Variants in ABTB2 observed in about 807,000 individuals in gnomAD.
ABTB2 encodes the protein ankyrin repeat and BTB domain containing 2.
A neutral mutation model predicts 104.1 loss-of-function variants in ABTB2; 56 were observed. That is an observed-to-expected ratio of 0.54 (90% CI 0.43 to 0.67). The LOEUF is 0.67. Ranked by LOEUF, ABTB2 falls within the 30% of genes least tolerant of loss-of-function variation. The probability of loss-of-function intolerance (pLI) is 0.00; values close to 1 mark genes in which losing one functional copy is unlikely to be tolerated. For synonymous variants in ABTB2, 606 were observed against 608.2 expected, an observed-to-expected ratio of 1.00 and a Z score of 0.05; for missense variants, 1,279 against 1,407.7, an observed-to-expected ratio of 0.91 and a Z score of 1.46.
At chr11:34,194,538 G>A (rs1446927519) in intron 3 of ABTB2, among the ~76,000 whole-genome samples, 3 of 152,194 alleles carry the variant, frequency 2.0e-5, no homozygotes, top group Admixed American at 6.5e-5. Flanking sequence ...TCTGGTGAGG[G>A]TATCAGGGTG....
At chr11:34,315,468 T>C (rs1220239555) in intron 1 of ABTB2, among the ~76,000 whole-genome samples, 2 of 152,156 alleles carry the variant, frequency 1.3e-5, no homozygotes, top group Non-Finnish European at 2.9e-5. Flanking sequence ...GAAAGCTGTA[T>C]TGGGCAGCTA....
At chr11:34,304,071 T>A (rs777432871) in intron 1 of ABTB2, among the ~76,000 whole-genome samples, 1 of 152,142 alleles carries the variant, frequency 6.6e-6, no homozygotes, top group Non-Finnish European at 1.5e-5. Flanking sequence ...AGTAGCATGA[T>A]GAAATATTGC....
At chr11:34,261,297 C>T (rs1248864194) in intron 1 of ABTB2, among the ~76,000 whole-genome samples, 4 of 152,254 alleles carry the variant, frequency 2.6e-5, no homozygotes, top group Non-Finnish European at 5.9e-5. Context: ...CACAGTGTCA[C>T]AGCTGTGGAC....
At chr11:34,342,066 A>T (rs565876155) in intron 1 of ABTB2, among the ~76,000 whole-genome samples, 1 of 152,352 alleles carries the variant, frequency 6.6e-6, no homozygotes, top group East Asian at 1.9e-4. Flanking sequence ...AAGAGGTCCC[A>T]CACTCTCCAA....
intron 1 of ABTB2, among the ~76,000 whole-genome samples, chr11:34,267,866 G>A (rs1486640097): frequency 1.3e-5 from 2 of 152,222 alleles, no homozygotes; most frequent in African/African-American, 4.8e-5. Context: ...CTAAGAAAAT[G>A]AGAGTTCACT....
Position 34,357,239 on chromosome 11 carries a change from C to T in ABTB2, c.345G>A (p.Arg115=). The change falls in exon 1 of 17, where the codon CGG becomes CGA. Residue 115 remains arginine (R), a synonymous_variant. Coordinates refer to ENST00000435224, the MANE Select transcript of ABTB2 (RefSeq NM_145804.3). ...ARVLRKGAGG[R]RLPQFSAEAV... ...CCTCGGCGGAGAACTGGGGCAGCCG[C>T]CGGCCGCCAGCGCCTTTGCGGAGCA... is the stretch of plus-strand genomic sequence containing the variant. The T allele has an allele frequency of 1.3e-6, 2 of 1,500,448 alleles. No homozygotes were observed. Among genetic ancestry groups the T allele is most frequent in the Non-Finnish European group, 1.8e-6 (2 of 1,130,702 alleles). 92.9% of individuals were successfully genotyped at this position (1,500,448 alleles called of 1,614,324 possible).
intron 1 of ABTB2, among the ~76,000 whole-genome samples, chr11:34,216,703 G>A (rs1853552421): frequency 6.6e-6 from 1 of 152,164 alleles, no homozygotes; most frequent in Non-Finnish European, 1.5e-5. Context: ...AGTGAGCTGA[G>A]ATTGTGCTGT....
At chr11:34,158,428 G>A (rs1337098917) in intron 14 of ABTB2, among the ~76,000 whole-genome samples, 1 of 152,042 alleles carries the variant, frequency 6.6e-6, no homozygotes, top group Non-Finnish European at 1.5e-5. Context: ...ACAAAAAAAA[G>A]CCATTTTAGA....
chr11:34,189,767 C>T (rs1853148558), intron 3 of ABTB2, among the ~76,000 whole-genome samples: 1 of 152,208 alleles, frequency 6.6e-6, no homozygotes, highest in Non-Finnish European at 1.5e-5. Context: ...AGTTAAAAAT[C>T]CCAGGTCTGC....
intron 1 of ABTB2, among the ~76,000 whole-genome samples, chr11:34,327,123 G>A (rs1467916120): frequency 6.6e-6 from 1 of 152,182 alleles, no homozygotes; most frequent in Non-Finnish European, 1.5e-5. Context: ...AATGGATTAT[G>A]AGAACAGATA....
intron 5 of ABTB2, among the ~76,000 whole-genome samples, chr11:34,168,398 T>G (rs1316677747): frequency 6.6e-6 from 1 of 152,238 alleles, no homozygotes; most frequent in Non-Finnish European, 1.5e-5. Flanking sequence ...TATAAAGTGC[T>G]TAGTTCAGAA....
intron 1 of ABTB2, among the ~76,000 whole-genome samples, chr11:34,271,617 C>G (rs972809116): frequency 2.0e-5 from 3 of 152,052 alleles, no homozygotes; most frequent in Non-Finnish European, 4.4e-5. Flanking sequence ...ACCTGTGGTC[C>G]CAGCTTCTTG....
intron 1 of ABTB2, among the ~76,000 whole-genome samples, chr11:34,336,600 ACCACTACACTC>A (rs1855195298): frequency 6.6e-6 from 1 of 152,050 alleles, no homozygotes; most frequent in Non-Finnish European, 1.5e-5. Flanking sequence ...CCATGATCGT[ACCACTACACTC>A]CAGCCTAGGT....
chr11:34,331,556 A>G (rs1030792005), intron 1 of ABTB2, among the ~76,000 whole-genome samples: 2 of 152,164 alleles, frequency 1.3e-5, no homozygotes, highest in African/African-American at 4.8e-5. Flanking sequence ...CCCAAACACC[A>G]TGACTGGCCA....
At chr11:34,303,786 A>G (rs1854739578) in intron 1 of ABTB2, among the ~76,000 whole-genome samples, 1 of 151,816 alleles carries the variant, frequency 6.6e-6, no homozygotes, top group Non-Finnish European at 1.5e-5. Flanking sequence ...GGGATTACAG[A>G]TGTGTGCCTC....
At chr11:34,335,224 T>A (rs988882315) in intron 1 of ABTB2, 2 of 1,273,534 alleles carry the variant, frequency 1.6e-6, no homozygotes, top group African/African-American at 2.9e-5. Flanking sequence ...ACTTTAAGCA[T>A]CGAAGGTCAT....
At chr11:34,325,929 C>T (rs1052613838) in intron 1 of ABTB2, among the ~76,000 whole-genome samples, 4 of 129,688 alleles carry the variant, frequency 3.1e-5, no homozygotes, top group East Asian at 2.1e-4. Flanking sequence ...CCAGCCTGGG[C>T]GACAGAGTGA....
chr11:34,272,728 A>AAAAAAAAG (rs1565156120), intron 1 of ABTB2, among the ~76,000 whole-genome samples: 1 of 133,182 alleles, frequency 7.5e-6, no homozygotes, highest in African/African-American at 2.7e-5. Context: ...AAAAAAAAAA[A>AAAAAAAAG]AAACCAACCA....
intron 3 of ABTB2, among the ~76,000 whole-genome samples, chr11:34,173,723 C>T (rs1327877291): frequency 3.9e-5 from 6 of 152,070 alleles, no homozygotes; most frequent in Admixed American, 6.5e-5. Flanking sequence ...CAGTCAGGGT[C>T]GCCAAGTGTT....
Sources: gnomAD v4.1 joint callset for allele counts (sites outside exome capture counted in the v4.1 genomes callset) on GRCh38, gnomAD v4.1.1 for gene constraint, MANE v1.5 for transcripts, NCBI Gene and HGNC (gene_info 2026-07-23, HGNC 2026-07-21) for gene names.